Variants in C9orf85 observed in about 807,000 individuals in gnomAD.
C9orf85 encodes the protein uncharacterized protein C9orf85.
Under a neutral mutation model 14.9 loss-of-function variants are expected in C9orf85, and 16 were observed. That is an observed-to-expected ratio of 1.08 (90% CI 0.73 to 1.63). The LOEUF (loss-of-function observed/expected upper bound fraction) is 1.63. Among genes scored for constraint, C9orf85 ranks in the 40% most tolerant of loss-of-function variants. The probability of loss-of-function intolerance (pLI) is 0.00; values close to 1 mark genes in which losing one functional copy is unlikely to be tolerated. For synonymous variants in C9orf85, 45 were observed against 56.8 expected, an observed-to-expected ratio of 0.79 and a Z score of 0.93; for missense variants, 172 against 186.1, an observed-to-expected ratio of 0.92 and a Z score of 0.44.
intron 2 of C9orf85, among the ~76,000 whole-genome samples, chr9:71,971,001 C>T (rs1453228240): frequency 2.6e-5 from 4 of 151,910 alleles, no homozygotes; most frequent in Admixed American, 6.6e-5. Context: ...GTGATCTGCC[C>T]GCCTCAGCCT....
At chr9:71,985,497 A>G (rs1204495149), downstream of C9orf85, 1 of 152,266 alleles carries the variant, frequency 6.6e-6, no homozygotes, top group Non-Finnish European at 1.5e-5. Context: ...CTACTGAAAC[A>G]TACTCTGTGG....
chr9:71,946,699 A>T (rs1256110959), intron 1 of C9orf85, among the ~76,000 whole-genome samples: 1 of 151,830 alleles, frequency 6.6e-6, no homozygotes, highest in Non-Finnish European at 1.5e-5. Context: ...AGGCTGAGGC[A>T]GGAGTATTGC....
chr9:71,957,551 CCT>C (rs1822411832), intron 2 of C9orf85, among the ~76,000 whole-genome samples: 3 of 152,116 alleles, frequency 2.0e-5, no homozygotes, highest in Non-Finnish European at 4.4e-5. Flanking sequence ...TTAGCCTGTT[CCT>C]CTCTTTAGAT....
At chr9:71,960,497 A>G (rs949996982) in intron 2 of C9orf85, among the ~76,000 whole-genome samples, 3 of 152,202 alleles carry the variant, frequency 2.0e-5, no homozygotes, top group Non-Finnish European at 4.4e-5. Context: ...CTGGATTTCT[A>G]GTTTTTAAAA....
At chr9:71,974,982 A>G (rs1275852876), downstream of C9orf85, among the ~76,000 whole-genome samples, 1 of 152,194 alleles carries the variant, frequency 6.6e-6, no homozygotes, top group East Asian at 1.9e-4. Flanking sequence ...TATTTTAGAA[A>G]TCCATACTGA....
At chr9:71,939,912 T>C (rs1025575520) in intron 1 of C9orf85, among the ~76,000 whole-genome samples, 1 of 152,218 alleles carries the variant, frequency 6.6e-6, no homozygotes, top group African/African-American at 2.4e-5. Context: ...TTCTGCACTA[T>C]GTACAACCAA....
chr9:71,964,520 T>G (rs1822632113), intron 2 of C9orf85, among the ~76,000 whole-genome samples: 1 of 151,794 alleles, frequency 6.6e-6, no homozygotes, highest in Admixed American at 6.6e-5. Flanking sequence ...ACGCGCCGCC[T>G]TAAGAGCTGT....
intron 2 of C9orf85, among the ~76,000 whole-genome samples, chr9:71,948,124 T>C (rs554765589): frequency 2.4e-4 from 36 of 152,374 alleles, no homozygotes; most frequent in African/African-American, 6.3e-4. Context: ...TTATAAGATT[T>C]AATTTGGTAA....
chr9:71,921,994 G>A (rs1827821607), intron 1 of C9orf85, among the ~76,000 whole-genome samples: 1 of 151,382 alleles, frequency 6.6e-6, no homozygotes, highest in Admixed American at 6.6e-5. Context: ...AGGCTAGAGT[G>A]TAGTGGCGCA....
At chr9:71,935,909 C>CGT (rs72538896) in intron 1 of C9orf85, among the ~76,000 whole-genome samples, 4 of 151,716 alleles carry the variant, frequency 2.6e-5, no homozygotes, top group African/African-American at 9.7e-5. Context: ...AGGGGAGAAA[C>CGT]AGAAAAAAAA....
rs1213740252 is a variant in C9orf85 at position 71,973,124 on chromosome 9, GACA to G, written c.*283_*285del. 1 of 169,660 alleles carries G rather than the reference GACA, an allele frequency of 5.9e-6. No individual in the cohort carries two copies. The highest frequency in any genetic ancestry group is 1.3e-5 in the Non-Finnish European group (1 of 79,292). 10.5% of individuals were successfully genotyped at this position (169,660 alleles called of 1,614,324 possible). A position where few individuals can be genotyped will look rare whatever the true frequency, so the allele number is the denominator to read the frequency against. ...CGTGCCATTACACTCCAGCCTGGGT[GACA>G]GAGTGAGACTCTGTCTCAAAAAAAA... On this transcript the variant is annotated 3_prime_UTR_variant, in exon 4 of 4. Transcript: ENST00000334731.
intron 1 of C9orf85, among the ~76,000 whole-genome samples, chr9:71,921,101 G>C (rs747028407): frequency 5.9e-5 from 9 of 152,156 alleles, no homozygotes; most frequent in Admixed American, 1.3e-4. Context: ...CCTGACTCTA[G>C]TGTAGTATCA....
chr9:71,923,890 C>T (rs975035299), intron 1 of C9orf85, among the ~76,000 whole-genome samples: 4 of 152,186 alleles, frequency 2.6e-5, no homozygotes, highest in Non-Finnish European at 4.4e-5. Flanking sequence ...CATCCTCAAT[C>T]TTTCCATCTC....
At chr9:71,922,678 G>A (rs1283579343) in intron 1 of C9orf85, among the ~76,000 whole-genome samples, 13 of 152,180 alleles carry the variant, frequency 8.5e-5, no homozygotes, top group Non-Finnish European at 1.6e-4. Context: ...ACCTGGGCTT[G>A]CTACCTTTCC....
intron 2 of C9orf85, among the ~76,000 whole-genome samples, chr9:71,964,165 C>T (rs1348402872): frequency 2.0e-5 from 3 of 152,138 alleles, no homozygotes; most frequent in East Asian, 1.9e-4. Flanking sequence ...CACTCTGTAT[C>T]TAGCTAATCT....
downstream of C9orf85, among the ~76,000 whole-genome samples, chr9:71,975,824 C>T (rs1822987892): frequency 6.6e-6 from 1 of 152,226 alleles, no homozygotes; most frequent in Non-Finnish European, 1.5e-5. Flanking sequence ...AAGAGTGAAA[C>T]TCTGTCTCAA....
chr9:71,934,636 A>T (rs2132281809), intron 1 of C9orf85, among the ~76,000 whole-genome samples: 1 of 152,306 alleles, frequency 6.6e-6, no homozygotes, highest in African/African-American at 2.4e-5. Context: ...TGGGAGGCTG[A>T]GGCAGGTGGA....
At chr9:71,982,389 G>A (rs934677884) in intron 3 of C9orf85, among the ~76,000 whole-genome samples, 2 of 151,926 alleles carry the variant, frequency 1.3e-5, no homozygotes, top group Non-Finnish European at 2.9e-5. Context: ...TTCATTTTTC[G>A]TGGATATATA....
At chr9:71,943,756 T>G (rs1822007656) in intron 1 of C9orf85, among the ~76,000 whole-genome samples, 1 of 150,612 alleles carries the variant, frequency 6.6e-6, no homozygotes, top group African/African-American at 2.4e-5. Context: ...GGTCAGGCTG[T>G]TCTTGAACTC....
Sources: gnomAD v4.1 joint callset for allele counts (sites outside exome capture counted in the v4.1 genomes callset) on GRCh38, gnomAD v4.1.1 for gene constraint, MANE v1.5 for transcripts, NCBI Gene and HGNC (gene_info 2026-07-23, HGNC 2026-07-21) for gene names.